PEX5L: variants seen among roughly 807,000 people sequenced by gnomAD.
The protein encoded by PEX5L is PEX5-related protein.
PEX5L carries 30 observed loss-of-function variants against 84.0 expected under a neutral mutation model. The ratio of observed to expected loss-of-function variants is 0.36; its 90% confidence interval spans 0.27 to 0.48. The LOEUF (loss-of-function observed/expected upper bound fraction) is 0.48. PEX5L is among the 20% of genes least tolerant of loss of function. The pLI is 0.99. For missense variants in PEX5L, 533 were observed against 754.6 expected, an observed-to-expected ratio of 0.71 and a Z score of 3.44; for synonymous variants, 270 against 283.1, an observed-to-expected ratio of 0.95 and a Z score of 0.46.
At chr3:179,876,806 T>A (rs1338797727) in intron 5 of PEX5L, among the ~76,000 whole-genome samples, 1 of 152,078 alleles carries the variant, frequency 6.6e-6, no homozygotes, top group Non-Finnish European at 1.5e-5. Flanking sequence ...AGGTACCTCA[T>A]ACAAGTGGAA....
At chr3:180,008,459 C>T (rs564029234) in intron 1 of PEX5L, among the ~76,000 whole-genome samples, 35 of 152,334 alleles carry the variant, frequency 2.3e-4, no homozygotes, top group African/African-American at 8.4e-4. Context: ...CAACCTCTGC[C>T]TGCTTCCAAG....
chr3:179,865,975 C>T (rs6779911), intron 7 of PEX5L, among the ~76,000 whole-genome samples: 65,388 of 151,928 alleles, frequency 0.43, 14,706 homozygotes, highest in Non-Finnish European at 0.5. Flanking sequence ...TTGAAAAATG[C>T]TCCACAGCTA....
chr3:180,004,567 T>C (rs1364863147), intron 1 of PEX5L, among the ~76,000 whole-genome samples: 1 of 151,880 alleles, frequency 6.6e-6, no homozygotes, highest in Non-Finnish European at 1.5e-5. Context: ...AAACTTGGTA[T>C]GAACTATCTA....
rs3774257 is a variant in PEX5L, at chr3:179,971,577, C to A, written c.93+17G>T. 7 of 1,600,990 alleles carry A rather than the reference C, an allele frequency of 4.4e-6. No individual in the cohort carries two copies. Among genetic ancestry groups the A allele is most frequent in the South Asian group, 3.4e-5 (3 of 88,402 alleles). On this transcript the variant is annotated intron_variant, in intron 2 of 14. Transcript: ENST00000467460. ...ATACAGTAGAACAGTAGAAAATGTA[C>A]GTAAGTATTCACTTACCTGCTTTTG...
At position 179,811,857 on chromosome 3, in the gene PEX5L, G is replaced by T; in HGVS notation, c.1098C>A (p.Leu366=). The change falls in exon 11 of 15, where the codon CTC becomes CTA. Residue 366 remains leucine, a synonymous_variant. Transcript: ENST00000467460. Reference sequence around the variant, plus strand: ...TTTCATTCTCCGCCTGGGTTATCCCGAGGAACTGCCATGCCTACGAAAGAC... The same window carrying T: ...TTTCATTCTCCGCCTGGGTTATCCCTAGGAACTGCCATGCCTACGAAAGAC... ...DPGDAEAWQF[L]GITQAENENE... The T allele has an allele frequency of 3.7e-6, 6 of 1,613,546 alleles. No individual in the cohort carries two copies. Among genetic ancestry groups the T allele is most frequent in the Non-Finnish European group, 5.1e-6 (6 of 1,179,488 alleles).
At chr3:179,938,213 G>A (rs1249974753) in intron 2 of PEX5L, among the ~76,000 whole-genome samples, 1 of 152,226 alleles carries the variant, frequency 6.6e-6, no homozygotes, top group Non-Finnish European at 1.5e-5. Context: ...AATTGCTCAT[G>A]TCATCTAGGC....
At chr3:179,950,877 G>A (rs9816475) in intron 2 of PEX5L, among the ~76,000 whole-genome samples, 5,291 of 152,288 alleles carry the variant, frequency 0.035, 318 homozygotes, top group African/African-American at 0.12. Context: ...ATTCTGAAAC[G>A]GAGACGTAAG....
chr3:179,845,271 G>A (rs1223988375), intron 8 of PEX5L, among the ~76,000 whole-genome samples: 3 of 152,230 alleles, frequency 2.0e-5, no homozygotes, highest in East Asian at 3.9e-4. Context: ...CACTAAGATA[G>A]GATATCCCTA....
At position 179,800,574 on chromosome 3, in the gene PEX5L, TGC is replaced by T. The variant is rs1718572761; in HGVS notation, c.*1252_*1253del. 1 of 152,156 alleles carries T rather than the reference TGC, an allele frequency of 6.6e-6. No homozygotes were observed. The highest frequency in any genetic ancestry group is 1.5e-5 in the Non-Finnish European group (1 of 68,032). 9.4% of individuals were successfully genotyped at this position (152,156 alleles called of 1,614,324 possible). A position where few individuals can be genotyped will look rare whatever the true frequency, so the allele number is the denominator to read the frequency against. The stretch of plus-strand genomic sequence containing the variant: ...GGAATTCAACCAATTAAAACACCAC[TGC>T]TAATAGAAAATTCCCAATACTTGCT... On this transcript the variant is annotated 3_prime_UTR_variant, in exon 15 of 15. Transcript: ENST00000467460.
chr3:180,018,189 C>T (rs191302224), intron 1 of PEX5L, among the ~76,000 whole-genome samples: 1 of 152,156 alleles, frequency 6.6e-6, no homozygotes, highest in Non-Finnish European at 1.5e-5. Flanking sequence ...ATACCATATA[C>T]CTCATATGAA....
chr3:180,001,019 T>C (rs1049126389), intron 1 of PEX5L, among the ~76,000 whole-genome samples: 2 of 152,078 alleles, frequency 1.3e-5, no homozygotes, highest in African/African-American at 4.8e-5. Context: ...CAAAGGAGAT[T>C]AACATTTGAG....
intron 2 of PEX5L, among the ~76,000 whole-genome samples, chr3:179,902,928 CAT>C (rs1387684632): frequency 1.3e-5 from 2 of 152,082 alleles, no homozygotes; most frequent in Admixed American, 1.3e-4. Flanking sequence ...AATTATCTAA[CAT>C]ATGAATTTTC....
At chr3:180,002,624 A>G (rs1788526923) in intron 1 of PEX5L, among the ~76,000 whole-genome samples, 2 of 152,048 alleles carry the variant, frequency 1.3e-5, no homozygotes, top group South Asian at 2.1e-4. Context: ...CTCTTTGTCA[A>G]ATGTGTTGTA....
chr3:179,812,844 C>T (rs913835954), intron 10 of PEX5L, among the ~76,000 whole-genome samples: 10 of 151,124 alleles, frequency 6.6e-5, no homozygotes, highest in East Asian at 4.0e-4. Context: ...AACTCTCCTT[C>T]CCAAGGCTGG....
intron 1 of PEX5L, chr3:179,973,965 C>T (rs1388060032): frequency 9.1e-6 from 9 of 985,470 alleles, no homozygotes; most frequent in Non-Finnish European, 1.1e-5. Context: ...CACCCCATAA[C>T]CCCGGGGGGA....
intron 2 of PEX5L, among the ~76,000 whole-genome samples, chr3:179,940,828 A>G (rs1414693657): frequency 6.6e-6 from 1 of 152,234 alleles, no homozygotes; most frequent in Non-Finnish European, 1.5e-5. Flanking sequence ...TTTTAGTCCA[A>G]AATAAGGATC....
Position 179,808,278 on chromosome 3 carries a change from C to T in PEX5L, c.1512G>A (p.Arg504=), listed in dbSNP as rs761573506. The part of the protein sequence containing the change: ...IDAFNAALTV[R]PEDYSLWNRL... ...CTGTGCTGTGCTGTCTTACCTCTGG[C>T]CGAACAGTTAAGGCAGCGTTAAATG... Residue 504 remains arginine (R), a synonymous_variant, in exon 13 of 15, where the codon CGG becomes CGA. Coordinates refer to ENST00000467460, the MANE Select transcript of PEX5L (RefSeq NM_016559.3). 5.7e-6 allele frequency: 9 copies of T among 1,567,270 alleles called. No homozygotes were observed. Among genetic ancestry groups the T allele is most frequent in the Non-Finnish European group, 8.6e-7 (1 of 1,160,890 alleles).
intron 2 of PEX5L, among the ~76,000 whole-genome samples, chr3:179,914,418 T>C (rs928944295): frequency 6.6e-6 from 1 of 152,238 alleles, no homozygotes; most frequent in Admixed American, 6.5e-5. Context: ...TCGTCATCTT[T>C]ACTTGGTGAA....
intron 8 of PEX5L, among the ~76,000 whole-genome samples, chr3:179,829,303 T>C (rs1485017768): frequency 1.3e-5 from 2 of 152,224 alleles, no homozygotes; most frequent in Non-Finnish European, 1.5e-5. Flanking sequence ...GATAAAGAAA[T>C]TGTTTTCTGA....
Sources: gnomAD v4.1 joint callset for allele counts (sites outside exome capture counted in the v4.1 genomes callset) on GRCh38, gnomAD v4.1.1 for gene constraint, MANE v1.5 for transcripts, NCBI Gene and HGNC (gene_info 2026-07-23, HGNC 2026-07-21) for gene names.